EPHA5: variants seen among roughly 807,000 people sequenced by gnomAD.
EPHA5 encodes EPH receptor A5, also known as ephrin type-A receptor 5.
A neutral mutation model predicts 105.0 loss-of-function variants in EPHA5; 60 were observed. The ratio of observed to expected loss-of-function variants is 0.57; its 90% CI spans 0.46 to 0.71. The LOEUF (loss-of-function observed/expected upper bound fraction) is 0.71. EPHA5 is among the 30% of genes least tolerant of loss of function. The pLI is 0.00. For synonymous variants in EPHA5, 513 were observed against 449.1 expected, an observed-to-expected ratio of 1.14 and a Z score of -1.80; for missense variants, 1,218 against 1,274.7, an observed-to-expected ratio of 0.96 and a Z score of 0.68.
intron 3 of EPHA5, among the ~76,000 whole-genome samples, chr4:65,507,739 T>C (rs963928161): frequency 3.9e-5 from 6 of 152,180 alleles, no homozygotes; most frequent in Non-Finnish European, 5.9e-5. Flanking sequence ...CTGCTGAAGT[T>C]GCTTATCAGC....
chr4:65,330,343 G>GA (rs66552706), intron 16 of EPHA5, among the ~76,000 whole-genome samples: 6 of 149,980 alleles, frequency 4.0e-5, no homozygotes, highest in African/African-American at 1.2e-4. Flanking sequence ...GAAAGAAATA[G>GA]AAAAAAAAGG....
intron 1 of EPHA5, among the ~76,000 whole-genome samples, chr4:65,658,850 T>C (rs1749293870): frequency 6.6e-6 from 1 of 152,132 alleles, no homozygotes; most frequent in Admixed American, 6.6e-5. Flanking sequence ...AATTTTTTAA[T>C]AGATCAAACT....
At chr4:65,421,821 T>C (rs1159770130) in intron 5 of EPHA5, among the ~76,000 whole-genome samples, 1 of 152,124 alleles carries the variant, frequency 6.6e-6, no homozygotes, top group South Asian at 2.1e-4. Flanking sequence ...TGAATATTTG[T>C]TGAATGAATT....
At chr4:65,520,067 C>T (rs1358060918) in intron 3 of EPHA5, among the ~76,000 whole-genome samples, 2 of 152,094 alleles carry the variant, frequency 1.3e-5, no homozygotes, top group East Asian at 3.9e-4. Context: ...CCTGCATTGC[C>T]AAGACAATCC....
chr4:65,433,100 G>A (rs1311036746), intron 5 of EPHA5, among the ~76,000 whole-genome samples: 1 of 152,096 alleles, frequency 6.6e-6, no homozygotes, highest in Non-Finnish European at 1.5e-5. Flanking sequence ...TATTAAGTAT[G>A]CAAACCAGAA....
intron 6 of EPHA5, among the ~76,000 whole-genome samples, chr4:65,418,862 C>CCTTTTTTTTTTTTT (rs1723648226): frequency 2.1e-5 from 1 of 47,042 alleles, no homozygotes; most frequent in African/African-American, 1.1e-4. Context: ...TACCTAAACT[C>CCTTTTTTTTTTTTT]TTTTTTTTTT....
At chr4:65,661,613 C>G (rs1263879515) in intron 1 of EPHA5, among the ~76,000 whole-genome samples, 2 of 152,090 alleles carry the variant, frequency 1.3e-5, no homozygotes, top group Non-Finnish European at 2.9e-5. Flanking sequence ...ACTGGGCAGT[C>G]AGCCTCACCT....
At chr4:65,363,458 C>T (rs1189121791) in intron 11 of EPHA5, among the ~76,000 whole-genome samples, 3 of 151,432 alleles carry the variant, frequency 2.0e-5, no homozygotes, top group Non-Finnish European at 3.0e-5. Context: ...CGTGGTCTTC[C>T]ATGATAATAA....
At chr4:65,637,659 A>G (rs1747267926) in intron 2 of EPHA5, among the ~76,000 whole-genome samples, 1 of 148,814 alleles carries the variant, frequency 6.7e-6, no homozygotes, top group Admixed American at 6.7e-5. Flanking sequence ...TTAACATAGA[A>G]ATGCAATAGA....
chr4:65,487,247 A>G (rs2149204340), intron 5 of EPHA5, among the ~76,000 whole-genome samples: 1 of 152,184 alleles, frequency 6.6e-6, no homozygotes, highest in East Asian at 1.9e-4. Flanking sequence ...TACTTAATTG[A>G]CTCCATCTTT....
intron 8 of EPHA5, among the ~76,000 whole-genome samples, chr4:65,402,506 C>T (rs1453914532): frequency 6.6e-6 from 1 of 152,140 alleles, no homozygotes; most frequent in Non-Finnish European, 1.5e-5. Flanking sequence ...TCTACACCAA[C>T]ATATTTCTTA....
At chr4:65,393,850 G>A (rs756304421) in intron 8 of EPHA5, among the ~76,000 whole-genome samples, 1 of 152,086 alleles carries the variant, frequency 6.6e-6, no homozygotes, top group Non-Finnish European at 1.5e-5. Context: ...GTAGTTTGAA[G>A]CACATTTTTA....
intron 3 of EPHA5, among the ~76,000 whole-genome samples, chr4:65,591,514 T>C (rs1425861821): frequency 6.6e-6 from 1 of 152,010 alleles, no homozygotes; most frequent in Non-Finnish European, 1.5e-5. Context: ...TTCTCAGAAT[T>C]AGTTTTGTGT....
intron 3 of EPHA5, among the ~76,000 whole-genome samples, chr4:65,519,313 G>A (rs1367081192): frequency 2.0e-5 from 3 of 152,122 alleles, no homozygotes; most frequent in Non-Finnish European, 4.4e-5. Context: ...AAAGGCCTTT[G>A]ACAAAATTCA....
chr4:65,489,186 C>T (rs35091748), intron 5 of EPHA5, among the ~76,000 whole-genome samples: 2 of 151,988 alleles, frequency 1.3e-5, no homozygotes, highest in Non-Finnish European at 2.9e-5. Context: ...CGTGAGCCAC[C>T]GCGCCCAGCC....
intron 8 of EPHA5, among the ~76,000 whole-genome samples, chr4:65,370,350 G>T (rs1718337028): frequency 6.6e-6 from 1 of 152,038 alleles, no homozygotes; most frequent in Non-Finnish European, 1.5e-5. Flanking sequence ...TGTGCCTCTA[G>T]AGAGAACAGT....
At chr4:65,480,482 A>T (rs1243400272) in intron 5 of EPHA5, among the ~76,000 whole-genome samples, 3 of 152,154 alleles carry the variant, frequency 2.0e-5, no homozygotes, top group African/African-American at 7.2e-5. Context: ...CAAATTAAGA[A>T]ACCACGTTCT....
At chr4:65,466,545 A>G (rs1021895485) in intron 5 of EPHA5, among the ~76,000 whole-genome samples, 9 of 152,316 alleles carry the variant, frequency 5.9e-5, no homozygotes, top group Admixed American at 5.9e-4. Flanking sequence ...AATAAACTGT[A>G]GAGATCCAAG....
intron 14 of EPHA5, among the ~76,000 whole-genome samples, chr4:65,345,721 G>A (rs1054353532): frequency 3.3e-5 from 5 of 152,224 alleles, no homozygotes; most frequent in African/African-American, 1.2e-4. Flanking sequence ...TCTCACAGGA[G>A]GCATCAATAT....
Sources: gnomAD v4.1 joint callset for allele counts (sites outside exome capture counted in the v4.1 genomes callset) on GRCh38, gnomAD v4.1.1 for gene constraint, MANE v1.5 for transcripts, NCBI Gene and HGNC (gene_info 2026-07-23, HGNC 2026-07-21) for gene names.